Variants in BRINP3 observed in about 807,000 individuals in gnomAD.
BRINP3 encodes the protein BMP/retinoic acid-inducible neural-specific protein 3.
BRINP3 carries 19 observed loss-of-function variants against 71.0 expected under a neutral mutation model. That is an observed-to-expected ratio of 0.27 (90% CI 0.19 to 0.39). The LOEUF is 0.39. BRINP3 is among the 10% of genes least tolerant of loss of function. The probability of loss-of-function intolerance (pLI) is 1.00; values close to 1 mark genes in which losing one functional copy is unlikely to be tolerated. For missense variants in BRINP3, 959 were observed against 940.8 expected (o/e 1.02, Z -0.25); for synonymous variants, 380 against 337.7 (o/e 1.13, Z -1.37).
At chr1:190,169,710 T>C (rs1651849846) in intron 6 of BRINP3, among the ~76,000 whole-genome samples, 1 of 152,178 alleles carries the variant, frequency 6.6e-6, no homozygotes, top group African/African-American at 2.4e-5. Context: ...ACTGTTATAA[T>C]AATGACAACT....
chr1:190,237,216 A>G (rs1470007520), intron 4 of BRINP3, among the ~76,000 whole-genome samples: 2 of 151,748 alleles, frequency 1.3e-5, no homozygotes, highest in African/African-American at 4.8e-5. Flanking sequence ...TTTGTTCTCT[A>G]TTCTTCACAA....
At chr1:190,464,010 C>T (rs1676570022) in intron 1 of BRINP3, among the ~76,000 whole-genome samples, 2 of 151,508 alleles carry the variant, frequency 1.3e-5, no homozygotes, top group Admixed American at 1.3e-4. Flanking sequence ...ATTGCTTTAT[C>T]TTTATCTTCT....
chr1:190,119,920 T>A (rs1653493612), intron 7 of BRINP3, among the ~76,000 whole-genome samples: 1 of 152,242 alleles, frequency 6.6e-6, no homozygotes, highest in African/African-American at 2.4e-5. Flanking sequence ...ATACTCAGCA[T>A]CTACAGATCC....
At chr1:190,104,766 G>A (rs1320399008) in intron 7 of BRINP3, among the ~76,000 whole-genome samples, 1 of 151,916 alleles carries the variant, frequency 6.6e-6, no homozygotes, top group Non-Finnish European at 1.5e-5. Context: ...TAGAACATAT[G>A]TTGATAGAAA....
At chr1:190,256,541 G>T (rs547420384) in intron 4 of BRINP3, among the ~76,000 whole-genome samples, 3 of 152,188 alleles carry the variant, frequency 2.0e-5, no homozygotes, top group South Asian at 2.1e-4. Flanking sequence ...GATGTTAGCT[G>T]GTTATTTTGC....
chr1:190,312,765 T>C (rs1228615780), intron 2 of BRINP3, among the ~76,000 whole-genome samples: 1 of 151,782 alleles, frequency 6.6e-6, no homozygotes, highest in African/African-American at 2.4e-5. Context: ...TAATAGGAGA[T>C]AGCTAAGGAT....
intron 2 of BRINP3, among the ~76,000 whole-genome samples, chr1:190,285,762 T>C (rs1367142086): frequency 6.6e-6 from 1 of 151,880 alleles, no homozygotes; most frequent in Non-Finnish European, 1.5e-5. Context: ...AAGATTCACC[T>C]CAGTTACAAC....
At chr1:190,111,135 G>A (rs1028913861) in intron 7 of BRINP3, among the ~76,000 whole-genome samples, 1 of 138,050 alleles carries the variant, frequency 7.2e-6, no homozygotes, top group African/African-American at 2.8e-5. Flanking sequence ...CCGAGATTGG[G>A]CCACTGCACT....
intron 2 of BRINP3, among the ~76,000 whole-genome samples, chr1:190,444,239 C>CAAAAAAAAAAAAAA (rs764014934): frequency 8.9e-5 from 5 of 56,310 alleles, no homozygotes; most frequent in Non-Finnish European, 1.2e-4. Flanking sequence ...AACTCCGTCT[C>CAAAAAAAAAAAAAA]AAAAAAAAAA....
intron 7 of BRINP3, among the ~76,000 whole-genome samples, chr1:190,122,825 T>A (rs1207415854): frequency 6.6e-6 from 1 of 152,166 alleles, no homozygotes; most frequent in African/African-American, 2.4e-5. Flanking sequence ...AATTTGTTAC[T>A]GCAAACTTAG....
intron 2 of BRINP3, among the ~76,000 whole-genome samples, chr1:190,440,934 A>C (rs191390169): frequency 6.6e-6 from 1 of 152,104 alleles, no homozygotes; most frequent in East Asian, 1.9e-4. Context: ...TCTAATATAC[A>C]AAAAAGAAAA....
intron 5 of BRINP3, among the ~76,000 whole-genome samples, chr1:190,229,748 A>G (rs1358266695): frequency 4.0e-5 from 6 of 151,886 alleles, no homozygotes; most frequent in African/African-American, 1.5e-4. Flanking sequence ...ATATTTCAAA[A>G]TTAATTAAAA....
At chr1:190,337,565 G>A (rs988845665) in intron 2 of BRINP3, among the ~76,000 whole-genome samples, 5 of 151,874 alleles carry the variant, frequency 3.3e-5, no homozygotes, top group African/African-American at 7.3e-5. Context: ...TCCTGCCCTC[G>A]AACATCAGAC....
At chr1:190,250,477 C>T (rs567888602) in intron 4 of BRINP3, among the ~76,000 whole-genome samples, 22 of 152,064 alleles carry the variant, frequency 1.4e-4, no homozygotes, top group African/African-American at 4.3e-4. Flanking sequence ...TTTTGGGTCT[C>T]TACTCACTTC....
chr1:190,188,637 A>T (rs1093089), intron 6 of BRINP3, among the ~76,000 whole-genome samples: 1 of 151,954 alleles, frequency 6.6e-6, no homozygotes, highest in Non-Finnish European at 1.5e-5. Context: ...CTGTTCAGCT[A>T]ATGTATTGTA....
intron 2 of BRINP3, chr1:190,362,216 T>C (rs930296145): frequency 9.9e-5 from 15 of 152,160 alleles, no homozygotes; most frequent in African/African-American, 3.1e-4. Context: ...ACCTAGTCTG[T>C]CACATTTTGT....
At chr1:190,254,530 T>C (rs1660468208) in intron 4 of BRINP3, among the ~76,000 whole-genome samples, 1 of 152,114 alleles carries the variant, frequency 6.6e-6, no homozygotes, top group Non-Finnish European at 1.5e-5. Flanking sequence ...ATTCTCTTTT[T>C]AGCAATTGTG....
chr1:190,157,868 G>A (rs1249976103), intron 7 of BRINP3, among the ~76,000 whole-genome samples: 1 of 151,994 alleles, frequency 6.6e-6, no homozygotes, highest in Non-Finnish European at 1.5e-5. Flanking sequence ...AATCAACCTA[G>A]GTTTCCAACA....
At chr1:190,267,056 A>C (rs968238679) in intron 3 of BRINP3, among the ~76,000 whole-genome samples, 3 of 152,172 alleles carry the variant, frequency 2.0e-5, no homozygotes, top group African/African-American at 7.2e-5. Flanking sequence ...ATAGACATAC[A>C]CTGATATTAT....
Sources: gnomAD v4.1 joint callset for allele counts (sites outside exome capture counted in the v4.1 genomes callset) on GRCh38, gnomAD v4.1.1 for gene constraint, MANE v1.5 for transcripts, NCBI Gene and HGNC (gene_info 2026-07-23, HGNC 2026-07-21) for gene names.